Variants in TTC7B observed in about 807,000 individuals in gnomAD.
TTC7B encodes the protein tetratricopeptide repeat domain 7B.
A neutral mutation model predicts 106.8 loss-of-function variants in TTC7B; 28 were observed. The observed-to-expected ratio is 0.26, with a 90% CI of 0.19 to 0.36. The LOEUF is 0.36. Among genes scored for constraint, TTC7B ranks in the 10% least tolerant of loss-of-function variants. The pLI, the probability that TTC7B is intolerant of heterozygous loss-of-function variation, is 1.00. For synonymous variants in TTC7B, 405 were observed against 430.6 expected, an observed-to-expected ratio of 0.94 and a Z score of 0.74; for missense variants, 862 against 1,076.4, an observed-to-expected ratio of 0.80 and a Z score of 2.79.
intron 5 of TTC7B, among the ~76,000 whole-genome samples, chr14:90,707,885 G>A (rs989610767): frequency 1.4e-4 from 21 of 152,104 alleles, no homozygotes; most frequent in African/African-American, 3.9e-4. Flanking sequence ...GGTGGCTCAC[G>A]CCTGTAATCC....
At chr14:90,702,474 C>T (rs1449684554) in intron 5 of TTC7B, among the ~76,000 whole-genome samples, 1 of 151,944 alleles carries the variant, frequency 6.6e-6, no homozygotes, top group Non-Finnish European at 1.5e-5. Flanking sequence ...GTAGGAAGTG[C>T]TTTTTAAGTA....
intron 19 of TTC7B, among the ~76,000 whole-genome samples, chr14:90,550,697 C>G (rs1890040781): frequency 6.6e-6 from 1 of 152,174 alleles, no homozygotes; most frequent in Non-Finnish European, 1.5e-5. Context: ...AGTTGGCTGA[C>G]TCTTCACCTC....
chr14:90,549,383 C>T (rs1481452780), intron 19 of TTC7B, among the ~76,000 whole-genome samples: 1 of 152,218 alleles, frequency 6.6e-6, no homozygotes. Context: ...ACAGCCTCCT[C>T]GTGGTGGGGT....
At chr14:90,708,316 C>T (rs1888297703) in intron 5 of TTC7B, among the ~76,000 whole-genome samples, 1 of 152,182 alleles carries the variant, frequency 6.6e-6, no homozygotes, top group African/African-American at 2.4e-5. Context: ...AAAATGTTAT[C>T]TACGACTTTC....
intron 19 of TTC7B, among the ~76,000 whole-genome samples, chr14:90,551,547 C>T (rs1184217857): frequency 6.6e-6 from 1 of 152,096 alleles, no homozygotes; most frequent in East Asian, 1.9e-4. Flanking sequence ...CACCACTTCT[C>T]GGGAATTTGA....
In TTC7B at chr14:90,541,194, G is replaced by A. The variant is rs979224681; in HGVS notation, c.*174C>T. On this transcript the variant is annotated 3_prime_UTR_variant, in exon 20 of 20. Transcript: ENST00000328459. ...GGCTGGCAAAAAAAACAAGAGAAAC[G>A]CACATGGCGAGAGCGATGATTCGGG... is the stretch of plus-strand genomic sequence containing the variant. 9.8e-6 allele frequency: 5 copies of A among 511,188 alleles called. No homozygotes were observed. The highest frequency in any genetic ancestry group is 7.1e-5 in the Admixed American group (2 of 28,020). The allele number at this position is 511,188 out of a possible 1,614,324, so 31.7% of individuals were successfully genotyped here. A position where few individuals can be genotyped will look rare whatever the true frequency, so the allele number is the denominator to read the frequency against.
At chr14:90,643,956 T>G (rs1885308242) in intron 15 of TTC7B, 92 bp downstream of exon 15, 2 of 1,454,328 alleles carry the variant, frequency 1.4e-6, no homozygotes, top group South Asian at 2.3e-5. Context: ...AGGGTGTCCA[T>G]GAGGGACTTA....
chr14:90,553,120 A>AC (rs889736330), intron 19 of TTC7B, among the ~76,000 whole-genome samples: 2 of 151,664 alleles, frequency 1.3e-5, no homozygotes, highest in Admixed American at 1.3e-4. Flanking sequence ...AGCAGGGGAG[A>AC]CCCCCAGCAT....
At chr14:90,687,773 C>T (rs1887303089) in intron 7 of TTC7B, among the ~76,000 whole-genome samples, 1 of 152,088 alleles carries the variant, frequency 6.6e-6, no homozygotes, top group Non-Finnish European at 1.5e-5. Flanking sequence ...CATGGTTCAA[C>T]AAGGCTGTAG....
chr14:90,578,078 G>A lies in TTC7B; in HGVS notation c.2310+28C>T. On this transcript the variant is annotated intron_variant, in intron 19 of 19. Transcript: ENST00000328459. The surrounding 1 kb of genome is among the most constrained non-coding windows in gnomAD (Gnocchi z 4.7). The stretch of plus-strand genomic sequence containing the variant: ...CAAGGGCTGTCCCCATGCCAGAGTA[G>A]GGGCCACCGCCGGGCTCGTGGACTC... 1 of 1,582,424 alleles carries A rather than the reference G, an allele frequency of 6.3e-7. No individual in the cohort carries two copies. The highest frequency in any genetic ancestry group is 8.6e-7 in the Non-Finnish European group (1 of 1,163,958).
At chr14:90,606,011 C>A (rs1892623605) in intron 17 of TTC7B, among the ~76,000 whole-genome samples, 1 of 152,162 alleles carries the variant, frequency 6.6e-6, no homozygotes, top group African/African-American at 2.4e-5. Flanking sequence ...TTTACCTGGG[C>A]ACAGATTCAG....
chr14:90,751,130 A>G (rs1389098187), intron 3 of TTC7B, among the ~76,000 whole-genome samples: 3 of 152,244 alleles, frequency 2.0e-5, no homozygotes, highest in African/African-American at 7.2e-5. Flanking sequence ...CTTGAAAAAC[A>G]GTGGTATGAC....
At chr14:90,665,308 C>T (rs1387410414) in intron 9 of TTC7B, among the ~76,000 whole-genome samples, 1 of 152,216 alleles carries the variant, frequency 6.6e-6, no homozygotes, top group Non-Finnish European at 1.5e-5. Context: ...AATAATTAGA[C>T]TCTAAATGGC....
At chr14:90,812,521 G>A (rs1366002732) in intron 1 of TTC7B, among the ~76,000 whole-genome samples, 2 of 151,994 alleles carry the variant, frequency 1.3e-5, no homozygotes, top group Admixed American at 6.6e-5. Flanking sequence ...GTCTGAAGCC[G>A]GCCCAAGAAT....
chr14:90,578,403 G>T lies in TTC7B; in HGVS notation c.2108-95C>A. 1 of 1,320,084 alleles carries T rather than the reference G, an allele frequency of 7.6e-7. No individual in the cohort carries two copies. 81.8% of individuals were successfully genotyped at this position (1,320,084 alleles called of 1,614,324 possible). The stretch of plus-strand genomic sequence containing the variant: ...TGATGTTCGTGTTCCCTGCACGGGA[G>T]TCTGGCGGGGCGCAGAGCCAGCTGA... On this transcript the variant is annotated intron_variant, in intron 18 of 19. Coordinates refer to ENST00000328459, the MANE Select transcript of TTC7B (RefSeq NM_001010854.2). This position sits in a 1 kb window ranked among gnomAD's most constrained non-coding sequence, Gnocchi z 4.7.
At chr14:90,652,147 A>T (rs1885746308) in intron 13 of TTC7B, among the ~76,000 whole-genome samples, 1 of 152,148 alleles carries the variant, frequency 6.6e-6, no homozygotes, top group African/African-American at 2.4e-5. Context: ...CTGCATACTG[A>T]CTTCAACAGC....
At chr14:90,744,032 G>T (rs1889865834) in intron 4 of TTC7B, among the ~76,000 whole-genome samples, 1 of 152,188 alleles carries the variant, frequency 6.6e-6, no homozygotes, top group Non-Finnish European at 1.5e-5. Context: ...ATCCCTGATG[G>T]TCTCCGGGGA....
At position 90,524,745 on chromosome 14, in the gene TTC7B, T is replaced by C. The variant is rs557323071; in HGVS notation, c.*16623A>G. On this transcript the variant is annotated 3_prime_UTR_variant, in exon 20 of 20. Transcript: ENST00000328459. ...AGCCCTGGGGGTTAGGGCCTTGGGG[T>C]TTCTGGCTAGAAACAGGGCTCACCT... is the stretch of plus-strand genomic sequence containing the variant. 1 of 150,298 alleles carries C rather than the reference T, an allele frequency of 6.7e-6. No homozygotes were observed. Among genetic ancestry groups the C allele is most frequent in the Admixed American group, 6.6e-5 (1 of 15,108 alleles). 9.3% of individuals were successfully genotyped at this position (150,298 alleles called of 1,614,324 possible).
At position 90,636,310 on chromosome 14, in the gene TTC7B, C is replaced by T. The variant is rs1595230129; in HGVS notation, c.1751+7738G>A. ...GACTTTGAAGCAAAATGCCTTGTAT[C>T]TTACAACATAATCATAAAAGGTTGA... On this transcript the variant is annotated intron_variant, in intron 15 of 19. Transcript: ENST00000328459. 2.6e-5 allele frequency among the ~76,000 whole-genome samples: 4 copies of T among 151,128 alleles called. No individual in the cohort carries two copies. In the South Asian group the frequency reaches 8.4e-4, roughly 32 times the overall value.
Sources: gnomAD v4.1 joint callset for allele counts (sites outside exome capture counted in the v4.1 genomes callset) on GRCh38, gnomAD v4.1.1 for gene constraint, Gnocchi (gnomAD v3.1) non-coding constraint, MANE v1.5 for transcripts, NCBI Gene and HGNC (gene_info 2026-07-23, HGNC 2026-07-21) for gene names.